Variants in FBN2 observed in about 807,000 individuals in gnomAD.
FBN2 encodes the protein fibrillin 2.
A neutral mutation model predicts 355.6 loss-of-function variants in FBN2; 105 were observed. That is an observed-to-expected ratio of 0.30 (90% CI 0.25 to 0.35). FBN2 has a LOEUF of 0.35. Among genes scored for constraint, FBN2 ranks in the 10% least tolerant of loss-of-function variants. The pLI is 1.00. For missense variants in FBN2, 3,280 were observed against 3,758.7 expected (o/e 0.87, Z 3.33); for synonymous variants, 1,350 against 1,301.2 (o/e 1.04, Z -0.81).
intron 7 of FBN2, among the ~76,000 whole-genome samples, chr5:128,417,117 G>C (rs928802395): frequency 2.6e-5 from 4 of 151,952 alleles, no homozygotes; most frequent in Non-Finnish European, 5.9e-5. Context: ...TTGCAGCGAT[G>C]GTAAATAGAA....
intron 10 of FBN2, 93 bp downstream of exon 10, chr5:128,393,042 T>C: frequency 9.8e-7 from 1 of 1,025,528 alleles, no homozygotes; most frequent in Non-Finnish European, 1.6e-6. Context: ...AGTGTGTTCA[T>C]ACAACCCTTT....
At chr5:128,332,397 G>C (rs1750717769) in intron 32 of FBN2, among the ~76,000 whole-genome samples, 1 of 152,128 alleles carries the variant, frequency 6.6e-6, no homozygotes, top group Admixed American at 6.5e-5. Flanking sequence ...TCTGGCTCAA[G>C]AACCATAAAA....
chr5:128,386,882 A>G (rs965033759), intron 11 of FBN2, among the ~76,000 whole-genome samples: 1 of 152,058 alleles, frequency 6.6e-6, no homozygotes. Context: ...TTCGTCAAGG[A>G]TATTGGCCTA....
At chr5:128,336,236 T>A in intron 27 of FBN2, 123 bp from the exon 28 acceptor site, 1 of 904,416 alleles carries the variant, frequency 1.1e-6, no homozygotes, top group South Asian at 1.3e-5. Flanking sequence ...AAGTAAAATG[T>A]TCTCCTGGGG....
intron 4 of FBN2, among the ~76,000 whole-genome samples, chr5:128,526,485 G>A (rs1756566527): frequency 6.6e-6 from 1 of 152,094 alleles, no homozygotes; most frequent in African/African-American, 2.4e-5. Flanking sequence ...CAACTCAAAT[G>A]TCCATCAACA....
At chr5:128,292,442 G>A (rs1025842884) in intron 48 of FBN2, among the ~76,000 whole-genome samples, 6 of 152,100 alleles carry the variant, frequency 3.9e-5, no homozygotes, top group African/African-American at 1.2e-4. Context: ...TAAGCTCCAT[G>A]AGGACATGAC....
intron 5 of FBN2, among the ~76,000 whole-genome samples, chr5:128,509,533 T>TAACATC (rs1186590394): frequency 6.6e-6 from 1 of 152,206 alleles, no homozygotes; most frequent in African/African-American, 2.4e-5. Flanking sequence ...CTGTTAATTC[T>TAACATC]AACATCTTTG....
intron 48 of FBN2, among the ~76,000 whole-genome samples, chr5:128,292,066 C>T (rs1430363036): frequency 6.6e-6 from 1 of 152,054 alleles, no homozygotes; most frequent in Non-Finnish European, 1.5e-5. Context: ...TTTCACTCCA[C>T]ATGCAAGCAG....
chr5:128,507,459 A>G (rs2127147711), intron 5 of FBN2, among the ~76,000 whole-genome samples: 1 of 152,150 alleles, frequency 6.6e-6, no homozygotes. Flanking sequence ...GGTAAATGCT[A>G]TATAAATGGT....
chr5:128,418,665 C>A (rs1431350276), intron 7 of FBN2, among the ~76,000 whole-genome samples: 1 of 151,976 alleles, frequency 6.6e-6, no homozygotes, highest in African/African-American at 2.4e-5. Context: ...TTTATTTGTA[C>A]ATTTTTCAAT....
chr5:128,420,436 G>C (rs1159040052), intron 7 of FBN2, among the ~76,000 whole-genome samples: 1 of 152,100 alleles, frequency 6.6e-6, no homozygotes, highest in Non-Finnish European at 1.5e-5. Context: ...TTCCCATACA[G>C]CATAAAAGTA....
chr5:128,378,002 T>C, intron 12 of FBN2, 125 bp from the exon 13 acceptor site: 4 of 730,116 alleles, frequency 5.5e-6, no homozygotes, highest in Admixed American at 3.0e-5. Flanking sequence ...TTTCTGTCTC[T>C]CAGCAGTTTT....
At position 128,537,530 on chromosome 5, in the gene FBN2, C is replaced by A; in HGVS notation, c.74G>T (p.Gly25Val). Reference sequence around the variant, plus strand: ...AGGAGGCTGAGGCTGGCCGGCCGTGCCCTGCGCCCAGAGCACCACACAGCC... The same window carrying A: ...AGGAGGCTGAGGCTGGCCGGCCGTGACCTGCGCCCAGAGCACCACACAGCC... Reference protein sequence around the residue: ...WLGCVVLWAQGTAGQPQPPPP... With the variant: ...WLGCVVLWAQVTAGQPQPPPP... Residue 25 changes from glycine to valine, a missense_variant, in exon 1 of 65, where the codon GGC becomes GTC. This residue lies in a region of FBN2 where 203 missense variants were observed against 142.2 expected (regional missense o/e 1.43). Transcript: ENST00000262464. 6.3e-7 allele frequency: 1 copy of A among 1,585,488 alleles called. No homozygotes were observed. The highest frequency in any genetic ancestry group is 8.6e-7 in the Non-Finnish European group (1 of 1,168,674).
At chr5:128,417,426 C>A (rs1753234526) in intron 7 of FBN2, among the ~76,000 whole-genome samples, 2 of 152,106 alleles carry the variant, frequency 1.3e-5, no homozygotes, top group South Asian at 4.1e-4. Flanking sequence ...TCGTCTTATT[C>A]CAGTTCTTCG....
At position 128,378,694 on chromosome 5, in the gene FBN2, A is replaced by C. The variant is rs1307307328; in HGVS notation, c.1723+77T>G. 3 of 1,484,166 alleles carry C rather than the reference A, an allele frequency of 2.0e-6. No individual in the cohort carries two copies. The African/African-American group carries it at 4.1e-5, about 21-fold the overall frequency. 91.9% of individuals were successfully genotyped at this position (1,484,166 alleles called of 1,614,324 possible). A position where few individuals can be genotyped will look rare whatever the true frequency, so the allele number is the denominator to read the frequency against. On this transcript the variant is annotated intron_variant, in intron 12 of 64. Coordinates refer to ENST00000262464, the MANE Select transcript of FBN2 (RefSeq NM_001999.4). ...ACTTATTTTATTCCATGTTTTAATA[A>C]ATTTACTTTTAACCTCAACAGCCTT...
At chr5:128,374,391 G>A (rs1007837061) in intron 15 of FBN2, among the ~76,000 whole-genome samples, 1 of 151,808 alleles carries the variant, frequency 6.6e-6, no homozygotes, top group Non-Finnish European at 1.5e-5. Flanking sequence ...GTCCTAACAC[G>A]AATCTACTTT....
chr5:128,279,709 C>T (rs1044804129), intron 56 of FBN2, among the ~76,000 whole-genome samples: 7 of 151,916 alleles, frequency 4.6e-5, no homozygotes, highest in Admixed American at 1.3e-4. Context: ...ATAATGTATG[C>T]ATTTTAACAT....
chr5:128,477,940 G>A (rs544952601), intron 5 of FBN2, among the ~76,000 whole-genome samples: 44 of 152,096 alleles, frequency 2.9e-4, no homozygotes, highest in Non-Finnish European at 5.4e-4. Flanking sequence ...AAATTAGCCT[G>A]GTTTATTCAA....
chr5:128,507,409 C>A (rs1325956518), intron 5 of FBN2, among the ~76,000 whole-genome samples: 1 of 152,020 alleles, frequency 6.6e-6, no homozygotes, highest in Non-Finnish European at 1.5e-5. Flanking sequence ...CACCCATACA[C>A]TTTAAATAAG....
Sources: allele counts gnomAD v4.1 joint callset (sites outside exome capture counted in the v4.1 genomes callset), GRCh38; gene constraint gnomAD v4.1.1; regional missense constraint gnomAD v4.1.1; transcripts MANE v1.5; gene names NCBI Gene and HGNC (gene_info 2026-07-23, HGNC 2026-07-21).